The following DAB1 variants were observed in gnomAD, a reference collection of about 807,000 sequenced individuals.
DAB1 encodes the protein DAB adaptor protein 1, also known as disabled homolog 1.
In DAB1, 15 loss-of-function variants were observed where a neutral mutation model predicts 64.6. The ratio of observed to expected loss-of-function variants is 0.23; its 90% confidence interval spans 0.16 to 0.36. DAB1 has a LOEUF of 0.36. Ranked by LOEUF, DAB1 falls within the 10% of genes least tolerant of loss-of-function variation. The probability of loss-of-function intolerance (pLI) is 1.00; values close to 1 mark genes in which losing one functional copy is unlikely to be tolerated. For synonymous variants in DAB1, 235 were observed against 251.9 expected (o/e 0.93, Z 0.64); for missense variants, 596 against 706.7 (o/e 0.84, Z 1.78).
chr1:57,464,954 C>A (rs1380922832), intron 7 of DAB1, among the ~76,000 whole-genome samples: 1 of 151,876 alleles, frequency 6.6e-6, no homozygotes, highest in Non-Finnish European at 1.5e-5. Flanking sequence ...ACAGCTCCAT[C>A]TCCTTTTTCA....
intron 5 of DAB1, among the ~76,000 whole-genome samples, chr1:57,919,924 A>C (rs1644784491): frequency 6.6e-6 from 1 of 152,192 alleles, no homozygotes; most frequent in Non-Finnish European, 1.5e-5. Context: ...AAACTATTCC[A>C]AATAAAGGCC....
intron 4 of DAB1, among the ~76,000 whole-genome samples, chr1:58,152,541 G>A (rs1408559767): frequency 6.6e-6 from 1 of 152,166 alleles, no homozygotes; most frequent in African/African-American, 2.4e-5. Context: ...GCAAATCTCT[G>A]CCTCTCAGTC....
At chr1:58,097,946 G>C (rs1247526612) in intron 5 of DAB1, among the ~76,000 whole-genome samples, 2 of 152,148 alleles carry the variant, frequency 1.3e-5, no homozygotes, top group East Asian at 3.8e-4. Flanking sequence ...TTCCTCTCAG[G>C]ATTCCCACGG....
intron 3 of DAB1, among the ~76,000 whole-genome samples, chr1:58,429,951 G>A (rs1644853812): frequency 6.6e-6 from 1 of 152,128 alleles, no homozygotes; most frequent in East Asian, 1.9e-4. Flanking sequence ...TTGTTCATAG[G>A]CCCCACAGGG....
At chr1:57,901,980 AC>A (rs1644480851) in intron 5 of DAB1, among the ~76,000 whole-genome samples, 1 of 151,712 alleles carries the variant, frequency 6.6e-6, no homozygotes, top group Admixed American at 6.6e-5. Context: ...ACATGGCAAA[AC>A]CCCATCTCTA....
intron 6 of DAB1, among the ~76,000 whole-genome samples, chr1:57,650,213 T>C (rs902344690): frequency 1.3e-5 from 2 of 152,328 alleles, no homozygotes; most frequent in African/African-American, 4.8e-5. Context: ...GGCGGAATCA[T>C]GGCTCACTGC....
chr1:57,153,821 A>G (rs533165395), intron 2 of DAB1, among the ~76,000 whole-genome samples: 18 of 151,882 alleles, frequency 1.2e-4, no homozygotes, highest in Middle Eastern at 3.4e-3. Context: ...TGTATTTTTT[A>G]GTAGAGATGG....
At chr1:57,831,863 T>C (rs1652604972) in intron 1 of DAB1, among the ~76,000 whole-genome samples, 1 of 152,086 alleles carries the variant, frequency 6.6e-6, no homozygotes, top group African/African-American at 2.4e-5. Flanking sequence ...TTCCAATGAT[T>C]CATTGAATAA....
chr1:57,080,736 A>ACACACACACACACACACACG (rs1491184357), intron 4 of DAB1, among the ~76,000 whole-genome samples: 3 of 136,300 alleles, frequency 2.2e-5, no homozygotes, highest in Non-Finnish European at 4.9e-5. Context: ...AGAAGTTACA[A>ACACACACACACACACACACG]CACACACACA....
chr1:57,200,117 A>G (rs1664970817), intron 2 of DAB1, among the ~76,000 whole-genome samples: 2 of 152,186 alleles, frequency 1.3e-5, no homozygotes, highest in African/African-American at 4.8e-5. Flanking sequence ...CTCTTTCTGT[A>G]TACTGTCCCC....
At chr1:58,078,864 C>T (rs1649810834) in intron 5 of DAB1, among the ~76,000 whole-genome samples, 1 of 152,028 alleles carries the variant, frequency 6.6e-6, no homozygotes, top group African/African-American at 2.4e-5. Context: ...TGGAGTTGAG[C>T]TCAGGGAATT....
chr1:57,252,306 T>C (rs1669406652), intron 2 of DAB1, among the ~76,000 whole-genome samples: 1 of 152,188 alleles, frequency 6.6e-6, no homozygotes, highest in Non-Finnish European at 1.5e-5. Context: ...GTCCCTATAA[T>C]CTAAGTCCTG....
At chr1:57,703,867 T>C (rs986932110) in intron 6 of DAB1, among the ~76,000 whole-genome samples, 3 of 152,032 alleles carry the variant, frequency 2.0e-5, no homozygotes, top group African/African-American at 7.2e-5. Flanking sequence ...AAGAAAAGAA[T>C]GAGATCATGT....
chr1:57,042,284 T>G (rs898803195), intron 9 of DAB1, among the ~76,000 whole-genome samples: 1 of 152,204 alleles, frequency 6.6e-6, no homozygotes, highest in African/African-American at 2.4e-5. Flanking sequence ...TTGAAAATAG[T>G]TTGTGTGTGT....
intron 1 of DAB1, among the ~76,000 whole-genome samples, chr1:57,832,976 C>A (rs1230295573): frequency 6.6e-6 from 1 of 151,784 alleles, no homozygotes; most frequent in African/African-American, 2.4e-5. Flanking sequence ...ATATTTGAAC[C>A]TACAGTGATG....
At chr1:57,042,844 C>T (rs1461789184) in intron 9 of DAB1, among the ~76,000 whole-genome samples, 1 of 151,450 alleles carries the variant, frequency 6.6e-6, no homozygotes, top group Non-Finnish European at 1.5e-5. Flanking sequence ...TACACACGAT[C>T]ACACACACAC....
intron 4 of DAB1, among the ~76,000 whole-genome samples, chr1:58,282,298 C>T (rs1338714376): frequency 1.3e-5 from 2 of 152,146 alleles, no homozygotes; most frequent in African/African-American, 4.8e-5. Flanking sequence ...ATGTCTCTCA[C>T]TCACTTGACT....
intron 5 of DAB1, among the ~76,000 whole-genome samples, chr1:58,059,982 G>A (rs1038495697): frequency 5.3e-5 from 8 of 152,104 alleles, no homozygotes; most frequent in Non-Finnish European, 1.2e-4. Context: ...AGCACAAAAG[G>A]GACTGATTTC....
chr1:57,885,468 T>C (rs911926109), upstream of DAB1, among the ~76,000 whole-genome samples: 3 of 152,132 alleles, frequency 2.0e-5, no homozygotes, highest in Non-Finnish European at 2.9e-5. Context: ...TACACACAAA[T>C]AGGAAACCTG....
Sources: allele counts gnomAD v4.1 joint callset (sites outside exome capture counted in the v4.1 genomes callset), GRCh38; gene constraint gnomAD v4.1.1; transcripts MANE v1.5; gene names NCBI Gene and HGNC (gene_info 2026-07-23, HGNC 2026-07-21).